ZAN: variants seen among roughly 807,000 people sequenced by gnomAD.
ZAN encodes the protein zonadhesin.
A neutral mutation model predicts 286.2 loss-of-function variants in ZAN; 260 were observed. That is an observed-to-expected ratio of 0.91 (90% CI 0.82 to 1.01). ZAN has a LOEUF of 1.01. Among genes scored for constraint, ZAN ranks in the 50% least tolerant of loss-of-function variants. The pLI, the probability that ZAN is intolerant of heterozygous loss-of-function variation, is 0.00. For missense variants in ZAN, 3,410 were observed against 3,639.2 expected, an observed-to-expected ratio of 0.94 and a Z score of 1.62; for synonymous variants, 1,368 against 1,417.5, an observed-to-expected ratio of 0.97 and a Z score of 0.79.
Position 100,760,434 on chromosome 7 carries a change from G to A in ZAN, c.3740G>A (p.Gly1247Asp). Residue 1247 changes from glycine (G) to aspartate (D), a missense_variant, in exon 19 of 48, where the codon GGC becomes GAC. Gly to Asp is a moderately conservative substitution (Grantham distance 94). Transcript: ENST00000613979. Reference protein sequence around the residue: ...QVTLPAIPSKGVFLGASGRFV... With the variant: ...QVTLPAIPSKDVFLGASGRFV... ...ACTCTCCCAGCCATACCCTCTAAAG[G>A]CGTCTTCCTGGGTGCAAGCGGGCGG... 1 of 1,613,886 alleles carries A rather than the reference G, an allele frequency of 6.2e-7. No homozygotes were observed.
intron 14 of ZAN, among the ~76,000 whole-genome samples, chr7:100,753,689 T>C (rs1273662428): frequency 6.7e-6 from 1 of 150,210 alleles, no homozygotes; most frequent in African/African-American, 2.4e-5. Context: ...AAAAATTAGC[T>C]GGGTGTGGTG....
chr7:100,768,542 A>T, intron 26 of ZAN, 68 bp from the exon 27 acceptor site: 3 of 1,307,316 alleles, frequency 2.3e-6, no homozygotes, highest in Non-Finnish European at 3.2e-6. Context: ...TGCCAGGAGG[A>T]TGGTGGCCCT....
intron 33 of ZAN, 126 bp from the exon 34 acceptor site, chr7:100,776,314 A>AAGGAAGGGAGGG: frequency 1.6e-6 from 2 of 1,273,358 alleles, no homozygotes; most frequent in Non-Finnish European, 2.0e-6. Flanking sequence ...GTGAAACTTG[A>AAGGAAGGGAGGG]AGGAAGGGAG....
chr7:100,789,111 T>G (rs1562956334), intron 38 of ZAN, 107 bp from the exon 39 acceptor site: 5 of 1,455,740 alleles, frequency 3.4e-6, no homozygotes, highest in Non-Finnish European at 4.6e-6. Context: ...TTCCACTCTC[T>G]GCACGGAGAC....
chr7:100,735,854 T>C lies in ZAN; in HGVS notation c.106+82T>C. On this transcript the variant is annotated intron_variant, in intron 3 of 47. Transcript: ENST00000613979. ...TGCCACCAGAATGCCAGTTCCTGAGTTCCTAGCAGGAGCAGCCACCTCCAG... is the reference window on the plus strand; with the variant it reads ...TGCCACCAGAATGCCAGTTCCTGAGCTCCTAGCAGGAGCAGCCACCTCCAG... 2 of 1,143,170 alleles carry C rather than the reference T, an allele frequency of 1.7e-6. 1 individual carries two copies. The highest frequency in any genetic ancestry group is 2.5e-6 in the Non-Finnish European group (2 of 796,388). 70.8% of individuals were successfully genotyped at this position (1,143,170 alleles called of 1,614,324 possible). A position where few individuals can be genotyped will look rare whatever the true frequency, so the allele number is the denominator to read the frequency against.
chr7:100,735,564 GAAAAGAAA>G (rs1401113147), intron 2 of ZAN, among the ~76,000 whole-genome samples, 148 bp from the exon 3 acceptor site: 2 of 125,524 alleles, frequency 1.6e-5, no homozygotes, highest in African/African-American at 3.3e-5. Flanking sequence ...AAAAAAAAAA[GAAAAGAAA>G]AAAAGAAAAA....
rs775902059 is a variant in ZAN at position 100,767,129 on chromosome 7, G to A, written c.4732G>A (p.Asp1578Asn). The A allele has an allele frequency of 1.4e-5, 22 of 1,613,796 alleles. No homozygotes were observed. The highest frequency in any genetic ancestry group is 1.7e-5 in the Non-Finnish European group (20 of 1,179,894). Residue 1578 changes from aspartate (D) to asparagine (N), a missense_variant, in exon 25 of 48, where the codon GAC (aspartate) becomes AAC (asparagine). Physicochemically the swap from Asp to Asn is conservative, Grantham distance 23. Around this residue, in one of 7 missense-constraint regions of ZAN, gnomAD observed 1,042 missense variants for 1,058.0 expected, o/e 0.98. Transcript: ENST00000613979. Reference sequence around the variant, plus strand: ...CCGGCCTTGCTGGTCCAGGTCCCAAGACAGCTATTTTGTTGTGAGCGCCAC... The same window carrying A: ...CCGGCCTTGCTGGTCCAGGTCCCAAAACAGCTATTTTGTTGTGAGCGCCAC... ...LTRPCWSRSQDSYFVVSATNE... is the reference protein window; with the variant it reads ...LTRPCWSRSQNSYFVVSATNE...
intron 6 of ZAN, among the ~76,000 whole-genome samples, chr7:100,738,095 T>C (rs1318788742): frequency 7.1e-6 from 1 of 140,138 alleles, no homozygotes. Context: ...TAGCTGGGAT[T>C]ACAGGTGCCC....
At chr7:100,757,830 T>A (rs1175712525) in intron 15 of ZAN, among the ~76,000 whole-genome samples, 3 of 150,312 alleles carry the variant, frequency 2.0e-5, no homozygotes, top group Non-Finnish European at 4.4e-5. Context: ...ATACCAGCAT[T>A]TTGGGAGGCC....
intron 37 of ZAN, among the ~76,000 whole-genome samples, chr7:100,786,820 G>A (rs1192026188): frequency 6.6e-6 from 1 of 152,162 alleles, no homozygotes; most frequent in Non-Finnish European, 1.5e-5. Flanking sequence ...GGGAGGCAGA[G>A]GTGGAAGAAT....
rs764858893 is a variant in ZAN, at chr7:100,773,513, G to A, written c.5634+20G>A. 6.2e-7 allele frequency: 1 copy of A among 1,611,478 alleles called. No individual in the cohort carries two copies. The highest frequency in any genetic ancestry group is 8.5e-7 in the Non-Finnish European group (1 of 1,178,980). ...CACCCGGTGAGAGGCCAGCTAGGAG[G>A]GGCCCCGCCCTTTCCAGGCCCACAT... On this transcript the variant is annotated intron_variant, in intron 30 of 47. Coordinates refer to ENST00000613979, the MANE Select transcript of ZAN (RefSeq NM_003386.3).
Position 100,747,553 on chromosome 7 carries a change from G to A in ZAN, c.935G>A (p.Ser312Asn). 6.2e-7 allele frequency: 1 copy of A among 1,613,796 alleles called. No homozygotes were observed. The highest frequency in any genetic ancestry group is 8.5e-7 in the Non-Finnish European group (1 of 1,179,772). The change falls in exon 9 of 48, where the codon AGT becomes AAT. Residue 312 changes from serine (S) to asparagine (N), a missense_variant. Physicochemically the swap from Ser to Asn is conservative, Grantham distance 46. This residue lies in a region of ZAN where 872 missense variants were observed against 938.9 expected (regional missense o/e 0.93). Coordinates refer to ENST00000613979, the MANE Select transcript of ZAN (RefSeq NM_003386.3). Reference sequence around the variant, plus strand: ...CTTCCAATTCCTTTCACTGCAGGGAGTATCCGGAAACACACTCTCTTCTCA... The same window carrying A: ...CTTCCAATTCCTTTCACTGCAGGGAATATCCGGAAACACACTCTCTTCTCA... ...ALHIYASVLG[S>N]IRKHTLFSGQ...
chr7:100,784,928 AC>A (rs1811463788), intron 36 of ZAN, 94 bp downstream of exon 36: 9 of 1,379,964 alleles, frequency 6.5e-6, no homozygotes, highest in Non-Finnish European at 8.7e-6. Context: ...GATACCCATG[AC>A]TTACAGCTGG....
intron 8 of ZAN, 121 bp from the exon 9 acceptor site, chr7:100,747,429 C>G (rs1412336078): frequency 4.1e-6 from 3 of 733,154 alleles, no homozygotes; most frequent in Non-Finnish European, 7.1e-6. Context: ...GAAGATTGTG[C>G]TTTCATTTGG....
chr7:100,771,790 C>T, intron 28 of ZAN, 54 bp from the exon 29 acceptor site: 3 of 1,563,956 alleles, frequency 1.9e-6, no homozygotes, highest in Non-Finnish European at 2.6e-6. Flanking sequence ...AGCCACATGG[C>T]CCTGTTCCTT....
intron 40 of ZAN, 109 bp downstream of exon 40, chr7:100,791,222 G>A: frequency 1.4e-6 from 2 of 1,387,358 alleles, no homozygotes; most frequent in Non-Finnish European, 1.9e-6. Flanking sequence ...GGGAGAGGGT[G>A]CAGATAGGCC....
At chr7:100,794,366 G>C in intron 44 of ZAN, 108 bp downstream of exon 44, 1 of 1,487,604 alleles carries the variant, frequency 6.7e-7, no homozygotes, top group South Asian at 1.4e-5. Flanking sequence ...TTGATTTCAG[G>C]ATGTCTGTCC....
Position 100,738,892 on chromosome 7 carries a change from T to C in ZAN, c.766+279T>C, listed in dbSNP as rs1406611755. On this transcript the variant is annotated intron_variant, in intron 7 of 47. Coordinates refer to ENST00000613979, the MANE Select transcript of ZAN (RefSeq NM_003386.3). ...TTCTTCTTCTCCCTCTCCCTCTCCCTCTCCCTCTCCCTCTCCCTCTCCCTC... is the reference window on the plus strand; with the variant it reads ...TTCTTCTTCTCCCTCTCCCTCTCCCCCTCCCTCTCCCTCTCCCTCTCCCTC... Among the ~76,000 whole-genome samples, 34 of 2,676 alleles carry C rather than the reference T, an allele frequency of 0.013. 2 individuals are homozygous for C. In the South Asian group the frequency reaches 0.28, roughly 22 times the overall value. The allele number at this position is 2,676 out of a possible 152,430, so 1.8% of individuals were successfully genotyped here. A position where few individuals can be genotyped will look rare whatever the true frequency, so the allele number is the denominator to read the frequency against.
chr7:100,742,242 G>C (rs1464323022), intron 7 of ZAN, among the ~76,000 whole-genome samples: 1 of 118,444 alleles, frequency 8.4e-6, no homozygotes, highest in Non-Finnish European at 1.8e-5. Context: ...CGGTGGGGCA[G>C]AGGTGCTCCC....
Sources: allele counts gnomAD v4.1 joint callset (sites outside exome capture counted in the v4.1 genomes callset), GRCh38; gene constraint gnomAD v4.1.1; regional missense constraint gnomAD v4.1.1; transcripts MANE v1.5; gene names NCBI Gene and HGNC (gene_info 2026-07-23, HGNC 2026-07-21).